The following PTPRT variants were observed in gnomAD, a reference collection of about 807,000 sequenced individuals.
PTPRT encodes the protein receptor-type tyrosine-protein phosphatase T.
In PTPRT, 56 loss-of-function variants were observed where a neutral mutation model predicts 176.8. The observed-to-expected ratio is 0.32, with a 90% CI of 0.26 to 0.40. PTPRT has a LOEUF of 0.40. Among genes scored for constraint, PTPRT ranks in the 10% least tolerant of loss-of-function variants. PTPRT has a pLI of 1.00. For missense variants in PTPRT, 1,540 were observed against 1,908.2 expected, an observed-to-expected ratio of 0.81 and a Z score of 3.60; for synonymous variants, 783 against 739.0, an observed-to-expected ratio of 1.06 and a Z score of -0.96.
At chr20:42,511,473 C>T (rs1266857703) in intron 7 of PTPRT, among the ~76,000 whole-genome samples, 1 of 151,504 alleles carries the variant, frequency 6.6e-6, no homozygotes, top group African/African-American at 2.4e-5. Flanking sequence ...AAGGCTTTCA[C>T]CAAATGCACT....
At chr20:42,540,861 G>T (rs2072566594) in intron 7 of PTPRT, among the ~76,000 whole-genome samples, 1 of 152,112 alleles carries the variant, frequency 6.6e-6, no homozygotes, top group Admixed American at 6.5e-5. Flanking sequence ...TCATCGGGAG[G>T]ATGGGGAAGG....
At chr20:42,187,120 A>G (rs1990812459) in intron 16 of PTPRT, among the ~76,000 whole-genome samples, 1 of 152,156 alleles carries the variant, frequency 6.6e-6, no homozygotes, top group African/African-American at 2.4e-5. Context: ...CCCCACCCTC[A>G]CTGGACAACA....
intron 7 of PTPRT, among the ~76,000 whole-genome samples, chr20:42,503,795 T>C (rs2071797675): frequency 6.6e-6 from 1 of 152,134 alleles, no homozygotes; most frequent in South Asian, 2.1e-4. Flanking sequence ...TTATGCCTTC[T>C]GCTCATACCA....
intron 1 of PTPRT, among the ~76,000 whole-genome samples, chr20:43,092,457 T>C (rs373241412): frequency 6.6e-6 from 1 of 152,244 alleles, no homozygotes; most frequent in Admixed American, 6.5e-5. Context: ...ATTTTCCACA[T>C]ACATAATATT....
intron 1 of PTPRT, among the ~76,000 whole-genome samples, chr20:43,019,424 T>C (rs112882923): frequency 3.3e-5 from 5 of 151,912 alleles, no homozygotes; most frequent in South Asian, 2.1e-4. Context: ...ATTGACACCA[T>C]CCTGGCCAAC....
chr20:42,880,164 T>C (rs981813666), intron 2 of PTPRT, among the ~76,000 whole-genome samples: 1 of 151,882 alleles, frequency 6.6e-6, no homozygotes, highest in African/African-American at 2.4e-5. Context: ...TGACAATGGC[T>C]CCTAGCCTGA....
intron 9 of PTPRT, among the ~76,000 whole-genome samples, chr20:42,362,309 C>T (rs1430755152): frequency 3.3e-5 from 5 of 151,936 alleles, no homozygotes; most frequent in African/African-American, 4.8e-5. Flanking sequence ...TAAATATGTA[C>T]ATCATATGCC....
rs1229605670 is a variant in PTPRT at position 42,314,539 on chromosome 20, AAAAG to A, written c.2139+1180_2139+1183del. 2.7e-5 allele frequency among the ~76,000 whole-genome samples: 4 copies of A among 148,878 alleles called. No homozygotes were observed. The East Asian group carries it at 8.3e-4, about 31-fold the overall frequency. ...GTGAGACTGTGTCAAAAAAAAAAAA[AAAAG>A]AAAGAAAAGAAAAGAAAAGAAAAGA... On this transcript the variant is annotated intron_variant, in intron 12 of 30. Coordinates refer to ENST00000373187, the MANE Select transcript of PTPRT (RefSeq NM_007050.6).
At chr20:42,071,235 T>A (rs931385481), downstream of PTPRT, among the ~76,000 whole-genome samples, 1 of 152,182 alleles carries the variant, frequency 6.6e-6, no homozygotes, top group East Asian at 1.9e-4. Flanking sequence ...TCTGGACACA[T>A]ACAAAGAACT....
intron 16 of PTPRT, among the ~76,000 whole-genome samples, chr20:42,193,284 G>T (rs1170179678): frequency 6.6e-6 from 1 of 152,266 alleles, no homozygotes; most frequent in Non-Finnish European, 1.5e-5. Context: ...GGCACCTTGT[G>T]GGAATCTGCT....
chr20:42,513,653 G>A (rs1182175812), intron 7 of PTPRT, among the ~76,000 whole-genome samples: 4 of 152,106 alleles, frequency 2.6e-5, no homozygotes, highest in Non-Finnish European at 5.9e-5. Flanking sequence ...CACATAAAGT[G>A]TAAAGAACGA....
At chr20:42,753,899 G>A (rs1443200115) in intron 6 of PTPRT, among the ~76,000 whole-genome samples, 1 of 152,148 alleles carries the variant, frequency 6.6e-6, no homozygotes, top group African/African-American at 2.4e-5. Flanking sequence ...CCATTTGTCT[G>A]CTCATGGGAA....
intron 6 of PTPRT, among the ~76,000 whole-genome samples, chr20:42,698,452 G>A (rs1044651809): frequency 1.3e-5 from 2 of 152,022 alleles, no homozygotes; most frequent in African/African-American, 2.4e-5. Flanking sequence ...TCCAACTAAG[G>A]TCCAAGTACT....
chr20:42,799,647 G>T (rs2077501453), intron 2 of PTPRT, among the ~76,000 whole-genome samples: 1 of 152,152 alleles, frequency 6.6e-6, no homozygotes, highest in Admixed American at 6.5e-5. Context: ...TTTGATGTTG[G>T]AAATAGACAA....
At chr20:42,142,170 G>T (rs1426348386) in intron 17 of PTPRT, among the ~76,000 whole-genome samples, 168 bp from the exon 18 acceptor site, 1 of 152,196 alleles carries the variant, frequency 6.6e-6, no homozygotes, top group Non-Finnish European at 1.5e-5. Context: ...TCTGTCCCTG[G>T]ACCTATTCTC....
chr20:42,514,836 C>T (rs1011063645), intron 7 of PTPRT, among the ~76,000 whole-genome samples: 6 of 152,162 alleles, frequency 3.9e-5, no homozygotes, highest in African/African-American at 1.4e-4. Context: ...TAACAATTTA[C>T]AAAACCGTTC....
At chr20:42,949,185 T>C (rs893953035) in intron 1 of PTPRT, among the ~76,000 whole-genome samples, 2 of 152,244 alleles carry the variant, frequency 1.3e-5, no homozygotes, top group African/African-American at 4.8e-5. Flanking sequence ...CAAGTCATTC[T>C]CAGCTAAGGG....
At chr20:42,260,190 C>T (rs557376829) in intron 13 of PTPRT, among the ~76,000 whole-genome samples, 112 of 152,304 alleles carry the variant, frequency 7.4e-4, no homozygotes, top group African/African-American at 2.5e-3. Context: ...TTGATTTCCA[C>T]GTCATCCATG....
intron 7 of PTPRT, among the ~76,000 whole-genome samples, chr20:42,476,409 C>T (rs967921234): frequency 2.0e-5 from 3 of 152,182 alleles, no homozygotes; most frequent in Non-Finnish European, 4.4e-5. Context: ...CCTCAAAATA[C>T]AACAAAGACC....
Sources: gnomAD v4.1 joint callset for allele counts (sites outside exome capture counted in the v4.1 genomes callset) on GRCh38, gnomAD v4.1.1 for gene constraint, MANE v1.5 for transcripts, NCBI Gene and HGNC (gene_info 2026-07-23, HGNC 2026-07-21) for gene names.